AP5M1: variants seen among roughly 807,000 people sequenced by gnomAD.
The protein encoded by AP5M1 is AP-5 complex subunit mu-1.
Under a neutral mutation model 52.3 loss-of-function variants are expected in AP5M1, and 44 were observed. That is an observed-to-expected ratio of 0.84 (90% CI 0.66 to 1.08). The LOEUF (loss-of-function observed/expected upper bound fraction) is 1.08, where lower values mean the gene tolerates loss of function less well. Ranked by LOEUF, AP5M1 falls within the 50% of genes least tolerant of loss-of-function variation. The probability of loss-of-function intolerance (pLI) is 0.00; values close to 1 mark genes in which losing one functional copy is unlikely to be tolerated. For synonymous variants in AP5M1, 213 were observed against 199.0 expected, an observed-to-expected ratio of 1.07 and a Z score of -0.59; for missense variants, 526 against 568.4, an observed-to-expected ratio of 0.93 and a Z score of 0.76.
rs1183449292 is a variant in AP5M1, at chr14:57,290,522, G to T, written c.*1638G>T. 1 of 151,868 alleles carries T rather than the reference G, an allele frequency of 6.6e-6. No homozygotes were observed. The highest frequency in any genetic ancestry group is 2.4e-5 in the African/African-American group (1 of 41,372). 9.4% of individuals were successfully genotyped at this position (151,868 alleles called of 1,614,324 possible). A position where few individuals can be genotyped will look rare whatever the true frequency, so the allele number is the denominator to read the frequency against. ...ATAAATGTTTACCAAATACACTAAG[G>T]TAAGCAAGAGGCATTTATCTAGTGA... On this transcript the variant is annotated 3_prime_UTR_variant, in exon 8 of 8. Coordinates refer to ENST00000261558, the MANE Select transcript of AP5M1 (RefSeq NM_018229.4).
At chr14:57,282,290 C>T in intron 4 of AP5M1, 62 bp downstream of exon 4, 1 of 1,268,218 alleles carries the variant, frequency 7.9e-7, no homozygotes, top group Non-Finnish European at 1.1e-6. Flanking sequence ...CACTGTCCCA[C>T]AGTAAATTGT....
chr14:57,280,388 TAG>T lies in AP5M1; in HGVS notation c.917_918del (p.Glu306ValfsTer34), dbSNP rs1243514986. On this transcript the variant is annotated frameshift_variant, in exon 3 of 8. Coordinates refer to ENST00000261558, the MANE Select transcript of AP5M1 (RefSeq NM_018229.4). LOFTEE classifies it high-confidence loss of function. ...TACAAATTTCCATTCACTCCACCTT[TAG>T]AGTCATTCAACTTATGCTTCTACAC... 3 of 1,613,634 alleles carry T rather than the reference TAG, an allele frequency of 1.9e-6. No homozygotes were observed. In the East Asian group the frequency reaches 6.7e-5, roughly 36 times the overall value.
intron 2 of AP5M1, among the ~76,000 whole-genome samples, chr14:57,279,508 A>G (rs1885120869): frequency 6.6e-6 from 1 of 152,190 alleles, no homozygotes; most frequent in African/African-American, 2.4e-5. Context: ...GCGGGGAACA[A>G]CAACACTGGG....
intron 1 of AP5M1, among the ~76,000 whole-genome samples, chr14:57,272,762 C>T (rs927514810): frequency 3.3e-5 from 5 of 152,108 alleles, no homozygotes; most frequent in African/African-American, 1.2e-4. Flanking sequence ...AAATAAATGG[C>T]ATTTACCTGC....
rs1202860031 is a variant in AP5M1 at position 57,269,168 on chromosome 14, G to T, written c.-147G>T. 6 of 705,794 alleles carry T rather than the reference G, an allele frequency of 8.5e-6. No homozygotes were observed. Among genetic ancestry groups the T allele is most frequent in the Non-Finnish European group, 1.4e-5 (6 of 416,828 alleles). The allele number at this position is 705,794 out of a possible 1,614,324, so 43.7% of individuals were successfully genotyped here. A position where few individuals can be genotyped will look rare whatever the true frequency, so the allele number is the denominator to read the frequency against. On this transcript the variant is annotated 5_prime_UTR_variant, in exon 1 of 8. Transcript: ENST00000261558. ...AGCGTTAGTGACTTCACCTAAAAAA[G>T]CTAACCTCTCTGCTGAGCGCGACCG...
chr14:57,280,478 T>G, intron 3 of AP5M1, 56 bp downstream of exon 3: 1 of 1,131,962 alleles, frequency 8.8e-7, no homozygotes. Flanking sequence ...TAAATACTAT[T>G]GATAAGTAGA....
chr14:57,296,767 G>A lies in AP5M1; in HGVS notation c.*7883G>A, dbSNP rs1005224383. On this transcript the variant is annotated 3_prime_UTR_variant, in exon 8 of 8. Coordinates refer to ENST00000261558, the MANE Select transcript of AP5M1 (RefSeq NM_018229.4). Reference sequence around the variant, plus strand: ...GAACTGCTGAGCAATATGGTTGAGAGGGAGACCTTAATTTAGTCAATAAAA... The same window carrying A: ...GAACTGCTGAGCAATATGGTTGAGAAGGAGACCTTAATTTAGTCAATAAAA... 2.0e-5 allele frequency: 3 copies of A among 152,036 alleles called. No homozygotes were observed. The highest frequency in any genetic ancestry group is 2.0e-4 in the Admixed American group (3 of 15,218). 9.4% of individuals were successfully genotyped at this position (152,036 alleles called of 1,614,324 possible). A position where few individuals can be genotyped will look rare whatever the true frequency, so the allele number is the denominator to read the frequency against.
chr14:57,283,783 C>G (rs1328899670), intron 6 of AP5M1, among the ~76,000 whole-genome samples: 1 of 152,058 alleles, frequency 6.6e-6, no homozygotes, highest in East Asian at 1.9e-4. Flanking sequence ...CCCAGGAGTT[C>G]AAGACCAGCC....
chr14:57,277,659 A>G (rs1885073635), intron 2 of AP5M1, among the ~76,000 whole-genome samples: 1 of 151,624 alleles, frequency 6.6e-6, no homozygotes, highest in East Asian at 1.9e-4. Flanking sequence ...AAGTACTTAC[A>G]TTGTAAAGCA....
chr14:57,273,739 A>G, intron 1 of AP5M1: 1 of 702,100 alleles, frequency 1.4e-6, no homozygotes, highest in Non-Finnish European at 2.6e-6. Context: ...GGTACCTGTC[A>G]TTCACTATAA....
chr14:57,279,092 ATTAGT>A (rs1885109744), intron 2 of AP5M1, among the ~76,000 whole-genome samples: 1 of 152,234 alleles, frequency 6.6e-6, no homozygotes, highest in Non-Finnish European at 1.5e-5. Flanking sequence ...GAGGATGTAA[ATTAGT>A]TTAATCATTG....
In AP5M1 at chr14:57,296,477, G is replaced by A. The variant is rs923451104; in HGVS notation, c.*7593G>A. On this transcript the variant is annotated 3_prime_UTR_variant, in exon 8 of 8. Coordinates refer to ENST00000261558, the MANE Select transcript of AP5M1 (RefSeq NM_018229.4). ...AAGTCTAGAATCAGTAAAAAGTTAT[G>A]TGTTTGTCAATAATCAAAAAATGTT... is the stretch of plus-strand genomic sequence containing the variant. 6.6e-6 allele frequency: 1 copy of A among 151,994 alleles called. No individual in the cohort carries two copies. Among genetic ancestry groups the A allele is most frequent in the East Asian group, 1.9e-4 (1 of 5,194 alleles). 9.4% of individuals were successfully genotyped at this position (151,994 alleles called of 1,614,324 possible). A position where few individuals can be genotyped will look rare whatever the true frequency, so the allele number is the denominator to read the frequency against.
At chr14:57,275,698 A>C (rs776539253) in intron 2 of AP5M1, among the ~76,000 whole-genome samples, 1 of 152,190 alleles carries the variant, frequency 6.6e-6, no homozygotes, top group African/African-American at 2.4e-5. Context: ...GAGGGATGAA[A>C]TTGACATCTC....
At chr14:57,285,309 T>C (rs1395866013) in intron 6 of AP5M1, among the ~76,000 whole-genome samples, 1 of 152,208 alleles carries the variant, frequency 6.6e-6, no homozygotes, top group African/African-American at 2.4e-5. Flanking sequence ...ACACATTCTA[T>C]GTCCTTCAAA....
At position 57,274,774 on chromosome 14, in the gene AP5M1, C is replaced by T. The variant is rs776231489; in HGVS notation, c.605C>T (p.Thr202Met). ...PQKQPAWKTG[T>M]YKGKPQVSIS... ...AAACAGCCAGCTTGGAAAACTGGGA[C>T]GTACAAAGGAAAACCACAAGTTTCT... is the stretch of plus-strand genomic sequence containing the variant. The change falls in exon 2 of 8, where the codon ACG becomes ATG. Residue 202 changes from threonine to methionine, a missense_variant. By Grantham distance (81) the Thr-to-Met change is moderately conservative. This residue lies in a region of AP5M1 where 425 missense variants were observed against 430.6 expected (regional missense o/e 0.99). Transcript: ENST00000261558. The T allele has an allele frequency of 2.7e-5, 43 of 1,613,968 alleles. No individual in the cohort carries two copies. The highest frequency in any genetic ancestry group is 3.1e-5 in the Non-Finnish European group (36 of 1,179,992).
Position 57,295,887 on chromosome 14 carries a change from T to C in AP5M1, c.*7003T>C, listed in dbSNP as rs1305033414. 6.6e-6 allele frequency: 1 copy of C among 151,896 alleles called. No homozygotes were observed. The highest frequency in any genetic ancestry group is 2.4e-5 in the African/African-American group (1 of 41,388). The allele number at this position is 151,896 out of a possible 1,614,324, so 9.4% of individuals were successfully genotyped here. Reference sequence around the variant, plus strand: ...TGAAATTACTGAAATGAGTATGTAATTGAGTATGTAATATATGCATTGGAG... The same window carrying C: ...TGAAATTACTGAAATGAGTATGTAACTGAGTATGTAATATATGCATTGGAG... On this transcript the variant is annotated 3_prime_UTR_variant, in exon 8 of 8. Coordinates refer to ENST00000261558, the MANE Select transcript of AP5M1 (RefSeq NM_018229.4).
chr14:57,298,261 C>T lies in AP5M1; in HGVS notation c.*9377C>T, dbSNP rs1020460805. The stretch of plus-strand genomic sequence containing the variant: ...TAAAGCCACAGCTTTCAGCGGTCCC[C>T]GTATACTAATGAAATGGAGTCGCCA... On this transcript the variant is annotated 3_prime_UTR_variant, in exon 8 of 8. Coordinates refer to ENST00000261558, the MANE Select transcript of AP5M1 (RefSeq NM_018229.4). 6.6e-6 allele frequency: 1 copy of T among 152,088 alleles called. No individual in the cohort carries two copies. Among genetic ancestry groups the T allele is most frequent in the Admixed American group, 6.6e-5 (1 of 15,238 alleles). 9.4% of individuals were successfully genotyped at this position (152,088 alleles called of 1,614,324 possible).
rs1466501137 is a variant in AP5M1, at chr14:57,298,475, T to A, written c.*9591T>A. 2 of 152,176 alleles carry A rather than the reference T, an allele frequency of 1.3e-5. No homozygotes were observed. The highest frequency in any genetic ancestry group is 4.8e-5 in the African/African-American group (2 of 41,452). 9.4% of individuals were successfully genotyped at this position (152,176 alleles called of 1,614,324 possible). A position where few individuals can be genotyped will look rare whatever the true frequency, so the allele number is the denominator to read the frequency against. On this transcript the variant is annotated 3_prime_UTR_variant, in exon 8 of 8. Coordinates refer to ENST00000261558, the MANE Select transcript of AP5M1 (RefSeq NM_018229.4). ...GTGGTCTTCAGTTTCCTCCCAACTT[T>A]GTAGGGTTATTGTGAGCATTGAATG...
At position 57,269,276 on chromosome 14, in the gene AP5M1, C is replaced by T; in HGVS notation, c.-39C>T. 1 of 1,604,990 alleles carries T rather than the reference C, an allele frequency of 6.2e-7. No homozygotes were observed. The highest frequency in any genetic ancestry group is 1.3e-5 in the African/African-American group (1 of 74,664). Reference sequence around the variant, plus strand: ...GTCTGCGCTGTTCCTCGGTGGCGACCTTAATTATGAGATGAGCTAATGCTT... The same window carrying T: ...GTCTGCGCTGTTCCTCGGTGGCGACTTTAATTATGAGATGAGCTAATGCTT... On this transcript the variant is annotated 5_prime_UTR_variant, in exon 1 of 8. Transcript: ENST00000261558.
Sources: allele counts gnomAD v4.1 joint callset (sites outside exome capture counted in the v4.1 genomes callset), GRCh38; gene constraint gnomAD v4.1.1; regional missense constraint gnomAD v4.1.1; transcripts MANE v1.5; gene names NCBI Gene and HGNC (gene_info 2026-07-23, HGNC 2026-07-21).